CNTNAP2: variants seen among roughly 807,000 people sequenced by gnomAD.
CNTNAP2 encodes contactin-associated protein-like 2.
CNTNAP2 carries 98 observed loss-of-function variants against 155.2 expected under a neutral mutation model. That is an observed-to-expected ratio of 0.63 (90% CI 0.54 to 0.75). CNTNAP2 has a LOEUF of 0.75. Among genes scored for constraint, CNTNAP2 ranks in the 30% least tolerant of loss-of-function variants. The pLI is 0.00. For missense variants in CNTNAP2, 1,727 were observed against 1,688.1 expected, an observed-to-expected ratio of 1.02 and a Z score of -0.40; for synonymous variants, 651 against 631.2, an observed-to-expected ratio of 1.03 and a Z score of -0.47.
In CNTNAP2 at chr7:148,121,988, G is replaced by A. The variant is rs947937271; in HGVS notation, c.2554+3700G>A. 3.3e-5 allele frequency among the ~76,000 whole-genome samples: 5 copies of A among 152,130 alleles called. 1 individual carries two copies. Among genetic ancestry groups the A allele is most frequent in the Admixed American group, 3.3e-4 (5 of 15,270 alleles). On this transcript the variant is annotated intron_variant, in intron 16 of 23. Coordinates refer to ENST00000361727, the MANE Select transcript of CNTNAP2 (RefSeq NM_014141.6). The stretch of plus-strand genomic sequence containing the variant: ...CTTTCCCTCAAAGATCTTTCTGTTT[G>A]TTTTAGAAAGCAGGCAAGTAACTCA...
chr7:146,733,256 A>G (rs139010016), intron 1 of CNTNAP2, among the ~76,000 whole-genome samples: 1 of 152,150 alleles, frequency 6.6e-6, no homozygotes. Flanking sequence ...TGTGACAGCT[A>G]CAAACTTGAC....
chr7:147,441,851 C>CTCTCTCTCTCTCTCTCTCTCT (rs71182201), intron 10 of CNTNAP2, among the ~76,000 whole-genome samples: 1 of 110,488 alleles, frequency 9.1e-6, no homozygotes, highest in Admixed American at 9.1e-5. Flanking sequence ...CTCTCTCTCT[C>CTCTCTCTCTCTCTCTCTCTCT]CCTCCCTCCC....
chr7:148,148,767 T>G (rs1302192985), intron 17 of CNTNAP2, among the ~76,000 whole-genome samples: 1 of 152,256 alleles, frequency 6.6e-6, no homozygotes, highest in Non-Finnish European at 1.5e-5. Flanking sequence ...CCATTCATTT[T>G]GTGTGATGTC....
At chr7:148,004,755 A>T (rs2116897418) in intron 15 of CNTNAP2, among the ~76,000 whole-genome samples, 1 of 152,134 alleles carries the variant, frequency 6.6e-6, no homozygotes, top group Admixed American at 6.6e-5. Context: ...TAACCTCTTA[A>T]CCTCATTATT....
At chr7:146,742,949 T>A (rs1288384450) in intron 1 of CNTNAP2, among the ~76,000 whole-genome samples, 1 of 152,206 alleles carries the variant, frequency 6.6e-6, no homozygotes, top group East Asian at 1.9e-4. Flanking sequence ...TTGAATAGCC[T>A]TCATTTTTTT....
intron 1 of CNTNAP2, among the ~76,000 whole-genome samples, chr7:146,173,132 T>C (rs936095094): frequency 8.5e-5 from 13 of 152,150 alleles, no homozygotes; most frequent in African/African-American, 3.1e-4. Context: ...GCTCAAAGGA[T>C]TTTTAAAAAA....
Position 148,417,714 on chromosome 7 carries a change from A to AT in CNTNAP2, c.*2100dup, listed in dbSNP as rs760500707. The AT allele has an allele frequency of 6.6e-5, 10 of 152,360 alleles. No individual in the cohort carries two copies. The highest frequency in any genetic ancestry group is 1.2e-4 in the Non-Finnish European group (8 of 68,022). The allele number at this position is 152,360 out of a possible 1,614,324, so 9.4% of individuals were successfully genotyped here. A position where few individuals can be genotyped will look rare whatever the true frequency, so the allele number is the denominator to read the frequency against. ...TGATTTTTAAACCTGGTTTACAGGT[A>AT]TTACTTCTGCACTTACCAAATAATG... On this transcript the variant is annotated 3_prime_UTR_variant, in exon 24 of 24. Transcript: ENST00000361727.
rs554835991 is a variant in CNTNAP2, at chr7:146,941,798, A to G, written c.402+101894A>G. Among the ~76,000 whole-genome samples, 81 of 151,640 alleles carry G rather than the reference A, an allele frequency of 5.3e-4. 1 individual carries two copies. The South Asian group carries it at 0.015, about 28-fold the overall frequency. On this transcript the variant is annotated intron_variant, in intron 3 of 23. Transcript: ENST00000361727. ...TGACAGATTTTTTTTTTTCTTCAGCATGTTGGATATATTATCCAAATCTTT... is the reference window on the plus strand; with the variant it reads ...TGACAGATTTTTTTTTTTCTTCAGCGTGTTGGATATATTATCCAAATCTTT...
intron 1 of CNTNAP2, among the ~76,000 whole-genome samples, chr7:146,528,503 T>C (rs778366877): frequency 6.6e-6 from 1 of 152,092 alleles, no homozygotes; most frequent in Admixed American, 6.6e-5. Context: ...CACCTGGAAA[T>C]CTCACACTTA....
At chr7:146,992,063 A>G (rs1798218527) in intron 3 of CNTNAP2, among the ~76,000 whole-genome samples, 2 of 152,166 alleles carry the variant, frequency 1.3e-5, no homozygotes, top group Non-Finnish European at 2.9e-5. Flanking sequence ...ATACACACAC[A>G]TCTCCCTTGG....
chr7:147,795,241 A>G (rs375001440), intron 13 of CNTNAP2, among the ~76,000 whole-genome samples: 2 of 151,870 alleles, frequency 1.3e-5, no homozygotes. Context: ...TCTAAAGTGT[A>G]TCTCCTGTAA....
intron 3 of CNTNAP2, among the ~76,000 whole-genome samples, chr7:146,949,325 A>C (rs748221715): frequency 6.6e-6 from 1 of 152,062 alleles, no homozygotes; most frequent in East Asian, 1.9e-4. Context: ...CTCAGATCGC[A>C]CTCTTCCAGC....
intron 18 of CNTNAP2, among the ~76,000 whole-genome samples, chr7:148,210,290 G>A (rs1408295671): frequency 6.6e-6 from 1 of 152,228 alleles, no homozygotes; most frequent in Non-Finnish European, 1.5e-5. Context: ...ATATGTCTTA[G>A]ATGAAGTTAG....
chr7:147,688,072 G>A lies in CNTNAP2; in HGVS notation c.2098+48766G>A, dbSNP rs1000964673. 7.9e-5 allele frequency among the ~76,000 whole-genome samples: 12 copies of A among 152,136 alleles called. No homozygotes were observed. The East Asian group carries it at 9.7e-4, about 12-fold the overall frequency. On this transcript the variant is annotated intron_variant, in intron 13 of 23. Coordinates refer to ENST00000361727, the MANE Select transcript of CNTNAP2 (RefSeq NM_014141.6). ...GGATGAATGTACTCAATCATGATGCGGAAGAGGGCTACATGGTACCTTCCA... is the reference window on the plus strand; with the variant it reads ...GGATGAATGTACTCAATCATGATGCAGAAGAGGGCTACATGGTACCTTCCA...
chr7:147,214,460 G>T (rs1038402079), intron 8 of CNTNAP2, among the ~76,000 whole-genome samples: 1 of 152,110 alleles, frequency 6.6e-6, no homozygotes, highest in African/African-American at 2.4e-5. Context: ...TTGGTATGAT[G>T]ATTAAATTTA....
chr7:147,255,941 A>G (rs140958457), intron 8 of CNTNAP2, among the ~76,000 whole-genome samples: 19 of 151,928 alleles, frequency 1.3e-4, no homozygotes, highest in African/African-American at 4.1e-4. Flanking sequence ...GGATTTCACT[A>G]CATTGGCCAG....
intron 1 of CNTNAP2, among the ~76,000 whole-genome samples, chr7:146,502,438 T>C (rs75950017): frequency 0.085 from 12,861 of 151,652 alleles, 1,444 homozygotes; most frequent in African/African-American, 0.26. Flanking sequence ...TGTTGTTCCA[T>C]TATTAGTTTT....
chr7:146,417,215 G>C (rs1224439680), intron 1 of CNTNAP2, among the ~76,000 whole-genome samples: 1 of 152,042 alleles, frequency 6.6e-6, no homozygotes, highest in African/African-American at 2.4e-5. Flanking sequence ...TGTATAAAGA[G>C]CTCTGTACTG....
chr7:148,213,283 CA>C (rs1795579759), intron 18 of CNTNAP2, among the ~76,000 whole-genome samples: 1 of 152,152 alleles, frequency 6.6e-6, no homozygotes, highest in Admixed American at 6.5e-5. Flanking sequence ...GGAAAGTGGT[CA>C]CAGAAATGAT....
Sources: gnomAD v4.1 joint callset for allele counts (sites outside exome capture counted in the v4.1 genomes callset) on GRCh38, gnomAD v4.1.1 for gene constraint, MANE v1.5 for transcripts, NCBI Gene and HGNC (gene_info 2026-07-23, HGNC 2026-07-21) for gene names.